The following COL28A1 variants were observed in gnomAD, a reference collection of about 807,000 sequenced individuals.
The protein encoded by COL28A1 is collagen alpha-1(XXVIII) chain.
Under a neutral mutation model 150.2 loss-of-function variants are expected in COL28A1, and 161 were observed. That is an observed-to-expected ratio of 1.07 (90% CI 0.94 to 1.22). The LOEUF (loss-of-function observed/expected upper bound fraction) is 1.22. Among genes scored for constraint, COL28A1 ranks in the 50% most tolerant of loss-of-function variants. COL28A1 has a pLI of 0.00. For synonymous variants in COL28A1, 552 were observed against 469.7 expected (o/e 1.18, Z -2.26); for missense variants, 1,617 against 1,388.3 (o/e 1.16, Z -2.62).
chr7:7,465,099 G>A (rs1168186816), intron 15 of COL28A1, among the ~76,000 whole-genome samples: 2 of 152,112 alleles, frequency 1.3e-5, no homozygotes, highest in East Asian at 3.9e-4. Context: ...AACCGGGGGA[G>A]GAGCCAAGAT....
At chr7:7,382,589 G>C (rs1781931335) in intron 27 of COL28A1, among the ~76,000 whole-genome samples, 1 of 152,132 alleles carries the variant, frequency 6.6e-6, no homozygotes, top group Non-Finnish European at 1.5e-5. Context: ...CAAAGTCATA[G>C]TTCTAATGCT....
At chr7:7,525,786 G>A (rs1337583027) in intron 3 of COL28A1, among the ~76,000 whole-genome samples, 4 of 152,126 alleles carry the variant, frequency 2.6e-5, no homozygotes, top group East Asian at 1.9e-4. Context: ...TTTCCATCCC[G>A]TTTCAACAAT....
chr7:7,393,079 TCC>T lies in COL28A1; in HGVS notation c.2137-11469_2137-11468del, dbSNP rs540737350. Among the ~76,000 whole-genome samples the T allele has an allele frequency of 5.3e-5, 8 of 152,302 alleles. No homozygotes were observed. The East Asian group carries it at 1.4e-3, about 26-fold the overall frequency. Reference sequence around the variant, plus strand: ...CGTTCTGGCTTTTTGTGCTTGTTTTTCCTCATCTTCATGGATTTATCTACCTT... The same window carrying T: ...CGTTCTGGCTTTTTGTGCTTGTTTTTTCATCTTCATGGATTTATCTACCTT... On this transcript the variant is annotated intron_variant, in intron 27 of 34. Transcript: ENST00000399429.
chr7:7,342,386 CT>C, the COL28A1 span, among the ~76,000 whole-genome samples: 1 of 152,000 alleles, frequency 6.6e-6, no homozygotes, highest in East Asian at 1.9e-4. Context: ...CAATCTATTA[CT>C]CTTTGCCTCT....
intron 25 of COL28A1, among the ~76,000 whole-genome samples, chr7:7,424,209 T>C (rs140541335): frequency 1.4e-3 from 208 of 152,332 alleles, no homozygotes; most frequent in African/African-American, 4.7e-3. Flanking sequence ...AGTGTATATG[T>C]ACCATACTTT....
chr7:7,536,064 T>A (rs1200206821), upstream of COL28A1, among the ~76,000 whole-genome samples: 1 of 152,196 alleles, frequency 6.6e-6, no homozygotes, highest in African/African-American at 2.4e-5. Context: ...TTCTACATTT[T>A]AGGCATTGGT....
chr7:7,486,885 A>G (rs1381542688), intron 13 of COL28A1, among the ~76,000 whole-genome samples: 1 of 152,188 alleles, frequency 6.6e-6, no homozygotes, highest in Non-Finnish European at 1.5e-5. Flanking sequence ...CACAAGGGAT[A>G]TTGGTCTGTA....
chr7:7,512,101 A>C (rs776857801), intron 8 of COL28A1, among the ~76,000 whole-genome samples: 1 of 152,200 alleles, frequency 6.6e-6, no homozygotes, highest in Non-Finnish European at 1.5e-5. Flanking sequence ...ATGTTTAGTG[A>C]AATAAGCCAG....
At chr7:7,437,576 T>C in intron 21 of COL28A1, 114 bp from the exon 22 acceptor site, 1 of 1,386,718 alleles carries the variant, frequency 7.2e-7, no homozygotes, top group Non-Finnish European at 9.4e-7. Flanking sequence ...ATGACCTCTA[T>C]CTGTTTCAAA....
intron 11 of COL28A1, among the ~76,000 whole-genome samples, chr7:7,504,763 T>A (rs573309765): frequency 3.3e-5 from 5 of 152,152 alleles, no homozygotes. Context: ...ATCTCTAACA[T>A]CCCTAGTGGC....
At chr7:7,357,076 G>T (rs1012982577), downstream of COL28A1, 1 of 152,276 alleles carries the variant, frequency 6.6e-6, no homozygotes, top group Non-Finnish European at 1.5e-5. Context: ...TTGAGACAGA[G>T]TCTTGCTGTG....
chr7:7,364,548 G>T (rs2128280017), intron 33 of COL28A1, among the ~76,000 whole-genome samples: 1 of 152,258 alleles, frequency 6.6e-6, no homozygotes, highest in Admixed American at 6.5e-5. Context: ...CTTTCGTTAA[G>T]ATGCTATATA....
intron 18 of COL28A1, among the ~76,000 whole-genome samples, chr7:7,447,876 G>C (rs1786383469): frequency 6.6e-6 from 1 of 152,086 alleles, no homozygotes; most frequent in African/African-American, 2.4e-5. Context: ...CAAATAGCCA[G>C]GCCAACATTA....
rs746246076 is a variant in COL28A1 at position 7,452,306 on chromosome 7, G to A, written c.1509+13C>T. The A allele has an allele frequency of 1.2e-5, 19 of 1,598,354 alleles. No individual in the cohort carries two copies. The East Asian group carries it at 4.1e-4, about 34-fold the overall frequency. On this transcript the variant is annotated intron_variant, in intron 18 of 34. Coordinates refer to ENST00000399429, the MANE Select transcript of COL28A1 (RefSeq NM_001037763.3). ...TAAAGTATCATATCACTTCTGAGCA[G>A]CAGTCAACTCACCTTTGGACCTTGT...
At chr7:7,489,883 G>A (rs1779823587) in intron 12 of COL28A1, among the ~76,000 whole-genome samples, 1 of 150,370 alleles carries the variant, frequency 6.7e-6, no homozygotes, top group Non-Finnish European at 1.5e-5. Flanking sequence ...ATCTCCTCCA[G>A]AAAACTTCTC....
chr7:7,414,575 C>T (rs1037052007), intron 27 of COL28A1, among the ~76,000 whole-genome samples: 3 of 152,184 alleles, frequency 2.0e-5, no homozygotes, highest in Non-Finnish European at 2.9e-5. Flanking sequence ...ACAGCAGCAG[C>T]CCTGGGTGGT....
intron 27 of COL28A1, among the ~76,000 whole-genome samples, chr7:7,392,781 G>A (rs958228657): frequency 6.6e-6 from 1 of 151,966 alleles, no homozygotes; most frequent in African/African-American, 2.4e-5. Context: ...ATTGATACTT[G>A]TGTATGCTTC....
chr7:7,411,219 A>C (rs1001228642), intron 27 of COL28A1, among the ~76,000 whole-genome samples: 7 of 152,196 alleles, frequency 4.6e-5, no homozygotes, highest in African/African-American at 1.2e-4. Flanking sequence ...ACTGTGGCAC[A>C]ACTGAGACAA....
At chr7:7,480,805 A>G (rs1789327731) in intron 13 of COL28A1, among the ~76,000 whole-genome samples, 1 of 152,168 alleles carries the variant, frequency 6.6e-6, no homozygotes, top group Admixed American at 6.5e-5. Flanking sequence ...TTAAAAGCAG[A>G]TTTTGGTGTC....
Sources: allele counts gnomAD v4.1 joint callset (sites outside exome capture counted in the v4.1 genomes callset), GRCh38; gene constraint gnomAD v4.1.1; transcripts MANE v1.5; gene names NCBI Gene and HGNC (gene_info 2026-07-23, HGNC 2026-07-21).